UBAP1: variants seen among roughly 807,000 people sequenced by gnomAD.
UBAP1 encodes ubiquitin-associated protein 1.
In UBAP1, 5 loss-of-function variants were observed where a neutral mutation model predicts 39.0. The observed-to-expected ratio is 0.13, with a 90% confidence interval of 0.07 to 0.27. The LOEUF (loss-of-function observed/expected upper bound fraction) is 0.27, where lower values mean the gene tolerates loss of function less well. Among genes scored for constraint, UBAP1 ranks in the 10% least tolerant of loss-of-function variants. UBAP1 has a pLI of 1.00. For synonymous variants in UBAP1, 211 were observed against 225.1 expected (o/e 0.94, Z 0.56); for missense variants, 490 against 608.1 (o/e 0.81, Z 2.04).
intron 1 of UBAP1, among the ~76,000 whole-genome samples, chr9:34,219,358 G>T (rs991308224): frequency 3.3e-5 from 5 of 152,060 alleles, no homozygotes; most frequent in African/African-American, 1.2e-4. Flanking sequence ...CAAAATGTGG[G>T]ATTACATGTG....
chr9:34,251,304 C>T (rs890429686), intron 6 of UBAP1, 88 bp from the exon 7 acceptor site: 6 of 1,402,786 alleles, frequency 4.3e-6, no homozygotes, highest in African/African-American at 1.4e-5. Context: ...TGCTCTCCCC[C>T]AGTCCCCGTC....
At chr9:34,221,386 G>A (rs558273279) in intron 2 of UBAP1, among the ~76,000 whole-genome samples, 6 of 152,054 alleles carry the variant, frequency 3.9e-5, no homozygotes, top group South Asian at 2.1e-4. Context: ...AAAATTAGCC[G>A]GGCGTGTTGG....
chr9:34,181,069 G>A (rs1318859320), intron 1 of UBAP1, among the ~76,000 whole-genome samples: 2 of 149,660 alleles, frequency 1.3e-5, no homozygotes, highest in South Asian at 4.2e-4. Context: ...CTTGGTCTCC[G>A]AAAGTGCTGG....
At chr9:34,191,454 C>G (rs1026351546) in intron 1 of UBAP1, 1 of 152,282 alleles carries the variant, frequency 6.6e-6, no homozygotes, top group Non-Finnish European at 1.5e-5. Flanking sequence ...AATGGCAGAA[C>G]TCTGGACAGT....
intron 1 of UBAP1, among the ~76,000 whole-genome samples, chr9:34,188,912 G>A (rs560033623): frequency 1.3e-5 from 2 of 152,202 alleles, no homozygotes; most frequent in East Asian, 3.9e-4. Context: ...AGCCGAGATC[G>A]TACCATTGCA....
chr9:34,179,109 G>A lies in UBAP1; in HGVS notation c.-139G>A. The A allele has an allele frequency of 7.8e-7, 1 of 1,278,948 alleles. No individual in the cohort carries two copies. Among genetic ancestry groups the A allele is most frequent in the Non-Finnish European group, 9.9e-7 (1 of 1,010,620 alleles). The allele number at this position is 1,278,948 out of a possible 1,614,324, so 79.2% of individuals were successfully genotyped here. A position where few individuals can be genotyped will look rare whatever the true frequency, so the allele number is the denominator to read the frequency against. ...GGCTACGGTGACGGCCTGGCCCGGA[G>A]CGGGCAGAGTTGGAGGTGGTGGCGT... On this transcript the variant is annotated 5_prime_UTR_variant, in exon 1 of 7. Transcript: ENST00000297661.
At chr9:34,201,101 G>C (rs1031590791) in intron 1 of UBAP1, among the ~76,000 whole-genome samples, 1 of 152,064 alleles carries the variant, frequency 6.6e-6, no homozygotes, top group African/African-American at 2.4e-5. Context: ...TTTTAGTGGA[G>C]ACGTGGTTTC....
chr9:34,214,631 A>G (rs1832197288), intron 1 of UBAP1, among the ~76,000 whole-genome samples: 1 of 152,216 alleles, frequency 6.6e-6, no homozygotes, highest in Non-Finnish European at 1.5e-5. Context: ...AAAAACAAAG[A>G]TAAATAGCTG....
intron 1 of UBAP1, among the ~76,000 whole-genome samples, chr9:34,195,562 C>T (rs971103639): frequency 1.3e-5 from 2 of 151,590 alleles, no homozygotes; most frequent in African/African-American, 4.8e-5. Context: ...AGAAAGTTTC[C>T]CAAAGTTGTT....
At chr9:34,237,558 TA>T (rs869302355) in intron 3 of UBAP1, among the ~76,000 whole-genome samples, 7 of 151,656 alleles carry the variant, frequency 4.6e-5, no homozygotes, top group African/African-American at 1.5e-4. Context: ...TACCTTTTTT[TA>T]AAAAAAAACT....
At chr9:34,248,910 G>C (rs1273793459) in intron 4 of UBAP1, among the ~76,000 whole-genome samples, 2 of 152,230 alleles carry the variant, frequency 1.3e-5, no homozygotes, top group African/African-American at 2.4e-5. Flanking sequence ...TTGTGACCTC[G>C]TTCCTGTGGT....
At chr9:34,201,575 G>A (rs529379426) in intron 1 of UBAP1, 1 of 152,240 alleles carries the variant, frequency 6.6e-6, no homozygotes, top group African/African-American at 2.4e-5. Context: ...CAACAAAAAT[G>A]TAGATTAATC....
At chr9:34,206,824 C>T (rs906252901) in intron 1 of UBAP1, among the ~76,000 whole-genome samples, 2 of 152,054 alleles carry the variant, frequency 1.3e-5, no homozygotes, top group African/African-American at 4.8e-5. Context: ...GGTGACTACC[C>T]AGTTGTCCCA....
intron 2 of UBAP1, among the ~76,000 whole-genome samples, chr9:34,226,129 G>GTGTGTGTGTGTGTGTGTGTGTGTGTGTT (rs1833072420): frequency 7.0e-6 from 1 of 141,854 alleles, no homozygotes; most frequent in African/African-American, 2.7e-5. Context: ...GTGTGTGTGT[G>GTGTGTGTGTGTGTGTGTGTGTGTGTGTT]TGTGTGTGTG....
chr9:34,212,101 A>G (rs1832050515), intron 1 of UBAP1: 1 of 284,130 alleles, frequency 3.5e-6, no homozygotes, highest in Non-Finnish European at 7.2e-6. Context: ...TAATAGAAGC[A>G]TATACTTATT....
intron 1 of UBAP1, among the ~76,000 whole-genome samples, chr9:34,207,516 T>C (rs1831778389): frequency 6.6e-6 from 1 of 151,994 alleles, no homozygotes; most frequent in African/African-American, 2.4e-5. Context: ...GTATTGTATG[T>C]TTTTCTAATT....
At chr9:34,229,791 C>T (rs1016404448) in intron 2 of UBAP1, among the ~76,000 whole-genome samples, 3 of 152,082 alleles carry the variant, frequency 2.0e-5, no homozygotes, top group Non-Finnish European at 4.4e-5. Context: ...CTTGCCTCGG[C>T]CTCCCAAAAT....
At chr9:34,182,383 C>T (rs1431959362) in intron 1 of UBAP1, among the ~76,000 whole-genome samples, 1 of 151,722 alleles carries the variant, frequency 6.6e-6, no homozygotes, top group African/African-American at 2.4e-5. Flanking sequence ...CGGGGTTTCA[C>T]AACGTTGGCC....
At position 34,241,595 on chromosome 9, in the gene UBAP1, C is replaced by A; in HGVS notation, c.570C>A (p.Pro190=). 1.9e-6 allele frequency: 3 copies of A among 1,614,100 alleles called. No homozygotes were observed. Among genetic ancestry groups the A allele is most frequent in the Non-Finnish European group, 2.5e-6 (3 of 1,180,018 alleles). ...ATATTCTGGTAGGAACCACTGGACC[C>A]ATTATGGCTCAGTTATTGGACAATA... ...LRNILVGTTG[P]IMAQLLDNNL... Residue 190 remains proline, a synonymous_variant, in exon 4 of 7, where the codon CCC becomes CCA. Coordinates refer to ENST00000297661, the MANE Select transcript of UBAP1 (RefSeq NM_016525.5).
Sources: allele counts gnomAD v4.1 joint callset (sites outside exome capture counted in the v4.1 genomes callset), GRCh38; gene constraint gnomAD v4.1.1; transcripts MANE v1.5; gene names NCBI Gene and HGNC (gene_info 2026-07-23, HGNC 2026-07-21).